OR14L1: variants seen among roughly 807,000 people sequenced by gnomAD.
The protein encoded by OR14L1 is olfactory receptor family 14 subfamily L member 1, also known as olfactory receptor 14L1.
chr1:247,618,461 A>C, the OR14L1 span, among the ~76,000 whole-genome samples: 1 of 152,260 alleles, frequency 6.6e-6, no homozygotes, highest in South Asian at 2.1e-4. Context: ...AATCCATTTC[A>C]GAGTTTGGCT....
At chr1:247,617,865 A>G in the OR14L1 span, among the ~76,000 whole-genome samples, 10 of 152,290 alleles carry the variant, frequency 6.6e-5, no homozygotes, top group African/African-American at 1.4e-4. Context: ...AATTCATAAT[A>G]AAAGAGTCAA....
the OR14L1 span, chr1:247,621,297 T>A: frequency 1.3e-5 from 2 of 152,238 alleles, no homozygotes; most frequent in Non-Finnish European, 2.9e-5. Context: ...ATTCTATCTA[T>A]ATAAATATTC....
the OR14L1 span, among the ~76,000 whole-genome samples, chr1:247,617,885 C>G: frequency 6.6e-6 from 1 of 152,058 alleles, no homozygotes; most frequent in Non-Finnish European, 1.5e-5. Flanking sequence ...ATTCCAATGC[C>G]TGTCAATGCA....
At chr1:247,618,409 T>C in the OR14L1 span, among the ~76,000 whole-genome samples, 1 of 152,178 alleles carries the variant, frequency 6.6e-6, no homozygotes, top group East Asian at 1.9e-4. Context: ...TGATACAGTT[T>C]ACCCTACATA....
chr1:247,620,658 T>C, the OR14L1 span: 1 of 152,184 alleles, frequency 6.6e-6, no homozygotes. Context: ...TCTGGGTTTA[T>C]ATTTTCAATT....
chr1:247,620,133 A>G, the OR14L1 span: 1 of 152,122 alleles, frequency 6.6e-6, no homozygotes, highest in Non-Finnish European at 1.5e-5. Context: ...CAACATTCTC[A>G]TTACCATTCT....
At chr1:247,617,324 G>T in the OR14L1 span, 1 of 152,164 alleles carries the variant, frequency 6.6e-6, no homozygotes, top group Non-Finnish European at 1.5e-5. Context: ...CCTTCTCAAA[G>T]AAACAGAAGT....
At chr1:247,621,977 A>G in the OR14L1 span, 1 of 152,068 alleles carries the variant, frequency 6.6e-6, no homozygotes, top group Non-Finnish European at 1.5e-5. Context: ...TTGATTCCAT[A>G]TTTCGGCTAT....
chr1:247,618,978 G>A, the OR14L1 span, among the ~76,000 whole-genome samples: 21 of 151,928 alleles, frequency 1.4e-4, no homozygotes, highest in Non-Finnish European at 2.6e-4. Flanking sequence ...ACCTCCCTAC[G>A]TTCTCTATTT....
chr1:247,618,761 T>C, the OR14L1 span, among the ~76,000 whole-genome samples: 2 of 152,162 alleles, frequency 1.3e-5, no homozygotes, highest in Non-Finnish European at 2.9e-5. Context: ...TCTGTACCTC[T>C]GCCTTTTCCT....
chr1:247,617,429 A>C, the OR14L1 span: 2 of 152,248 alleles, frequency 1.3e-5, no homozygotes, highest in Admixed American at 1.3e-4. Context: ...GTGGAAAATA[A>C]AACCATAAAT....
the OR14L1 span, chr1:247,622,186 GC>G: frequency 2.8e-4 from 42 of 152,142 alleles, no homozygotes; most frequent in Non-Finnish European, 5.7e-4. Context: ...GACAGCGTGT[GC>G]TCACTTCACG....
the OR14L1 span, chr1:247,620,672 T>C: frequency 6.6e-6 from 1 of 152,328 alleles, no homozygotes; most frequent in Non-Finnish European, 1.5e-5. Context: ...TTCAATTGAT[T>C]GCTGAGCTCT....
chr1:247,621,089 A>G, the OR14L1 span: 1 of 152,186 alleles, frequency 6.6e-6, no homozygotes, highest in South Asian at 2.1e-4. Context: ...GATGAAATAT[A>G]TGCAATAATA....
the OR14L1 span, chr1:247,621,987 T>C: frequency 1.3e-5 from 2 of 152,220 alleles, no homozygotes; most frequent in South Asian, 4.1e-4. Flanking sequence ...ATTTCGGCTA[T>C]TGTAATGCCG....
the OR14L1 span, chr1:247,619,859 T>A: frequency 6.6e-6 from 1 of 152,198 alleles, no homozygotes; most frequent in Non-Finnish European, 1.5e-5. Flanking sequence ...TTTTGTTACA[T>A]CTCTGTCACA....
At chr1:247,618,580 T>C in the OR14L1 span, among the ~76,000 whole-genome samples, 1 of 152,094 alleles carries the variant, frequency 6.6e-6, no homozygotes, top group Non-Finnish European at 1.5e-5. Flanking sequence ...GGAAAGATCA[T>C]TGTAGAAATT....
At chr1:247,618,663 T>G in the OR14L1 span, among the ~76,000 whole-genome samples, 1 of 152,180 alleles carries the variant, frequency 6.6e-6, no homozygotes, top group African/African-American at 2.4e-5. Flanking sequence ...TGAAGACAGA[T>G]TCTGAAGACC....
At chr1:247,620,626 T>C in the OR14L1 span, 2 of 152,326 alleles carry the variant, frequency 1.3e-5, no homozygotes, top group Admixed American at 1.3e-4. Context: ...ACTCTTGCTC[T>C]AATCAGGCAA....
Sources: gnomAD v4.1 joint callset for allele counts (sites outside exome capture counted in the v4.1 genomes callset) on GRCh38, gnomAD v4.1.1 for gene constraint, MANE v1.5 for transcripts, NCBI Gene and HGNC (gene_info 2026-07-23, HGNC 2026-07-21) for gene names.